CACNG7: variants seen among roughly 807,000 people sequenced by gnomAD.
CACNG7 encodes voltage-dependent calcium channel gamma-7 subunit.
Under a neutral mutation model 26.3 loss-of-function variants are expected in CACNG7, and 9 were observed. That is an observed-to-expected ratio of 0.34 (90% CI 0.21 to 0.60). The LOEUF (loss-of-function observed/expected upper bound fraction) is 0.60, where lower values mean the gene tolerates loss of function less well. Among genes scored for constraint, CACNG7 ranks in the 20% least tolerant of loss-of-function variants. The pLI, the probability that CACNG7 is intolerant of heterozygous loss-of-function variation, is 0.81. For missense variants in CACNG7, 297 were observed against 380.4 expected (o/e 0.78, Z 1.82); for synonymous variants, 170 against 157.0 (o/e 1.08, Z -0.62).
intron 4 of CACNG7, among the ~76,000 whole-genome samples, chr19:53,933,418 G>A (rs2069086351): frequency 1.3e-5 from 2 of 150,868 alleles, no homozygotes; most frequent in South Asian, 4.2e-4. Context: ...TCCTGCCTCA[G>A]CCTCCTGAGT....
At chr19:53,928,464 G>A (rs907050695) in intron 4 of CACNG7, among the ~76,000 whole-genome samples, 2 of 151,880 alleles carry the variant, frequency 1.3e-5, no homozygotes, top group East Asian at 2.0e-4. Flanking sequence ...TTGTAGAGAC[G>A]GGGTTTCACC....
intron 4 of CACNG7, among the ~76,000 whole-genome samples, chr19:53,930,872 T>G (rs10411229): frequency 0.55 from 84,130 of 151,984 alleles, 25,924 homozygotes; most frequent in African/African-American, 0.83. Flanking sequence ...GTAAATTGCA[T>G]ACATGTTGAT....
intron 4 of CACNG7, among the ~76,000 whole-genome samples, chr19:53,920,086 C>T (rs1473560901): frequency 7.8e-6 from 1 of 127,830 alleles, no homozygotes; most frequent in African/African-American, 3.5e-5. Flanking sequence ...TGGAGTTGCC[C>T]CAGGCTGGTC....
chr19:53,941,349 G>C, intron 4 of CACNG7, 121 bp from the exon 5 acceptor site: 1 of 1,143,272 alleles, frequency 8.7e-7, no homozygotes, highest in Non-Finnish European at 1.2e-6. Context: ...CAGCATACAA[G>C]GGGCTTCAGG....
chr19:53,914,334 C>A (rs1317149586), intron 2 of CACNG7, among the ~76,000 whole-genome samples, 166 bp from the exon 3 acceptor site: 1 of 151,764 alleles, frequency 6.6e-6, no homozygotes, highest in African/African-American at 2.4e-5. Flanking sequence ...CAGACATCCA[C>A]CCACCCGCTT....
intron 4 of CACNG7, among the ~76,000 whole-genome samples, chr19:53,925,326 C>G (rs1322850542): frequency 1.8e-5 from 2 of 108,502 alleles, no homozygotes; most frequent in African/African-American, 7.4e-5. Flanking sequence ...TGTCCCCAGG[C>G]CTGGTCATTG....
intron 4 of CACNG7, among the ~76,000 whole-genome samples, chr19:53,928,906 C>G (rs1005605078): frequency 6.6e-6 from 1 of 151,730 alleles, no homozygotes; most frequent in African/African-American, 2.4e-5. Flanking sequence ...GTCAGGGGTT[C>G]GAGACCAGCC....
intron 4 of CACNG7, among the ~76,000 whole-genome samples, chr19:53,934,872 T>A (rs1183173906): frequency 6.6e-6 from 1 of 152,144 alleles, no homozygotes; most frequent in Non-Finnish European, 1.5e-5. Context: ...TTACATTTTT[T>A]ATTTTGGAGA....
At chr19:53,922,942 TC>T (rs1193672305) in intron 4 of CACNG7, among the ~76,000 whole-genome samples, 2 of 89,050 alleles carry the variant, frequency 2.2e-5, no homozygotes, top group East Asian at 5.5e-4. Context: ...CCAGGTCTGG[TC>T]ATTGGTGGAG....
Position 53,942,380 on chromosome 19 carries a change from G to A in CACNG7, c.*87G>A. The stretch of plus-strand genomic sequence containing the variant: ...CAATGCAGCGCCCCCTTCCGTCCTC[G>A]GGACTCCTCGCTCCCACCCGGAGGA... On this transcript the variant is annotated 3_prime_UTR_variant, in exon 6 of 6. Coordinates refer to ENST00000391767, the MANE Select transcript of CACNG7 (RefSeq NM_031896.5). The surrounding 1 kb of genome is among the most constrained non-coding windows in gnomAD (Gnocchi z 5.9). 1 of 1,528,984 alleles carries A rather than the reference G, an allele frequency of 6.5e-7. No homozygotes were observed. The highest frequency in any genetic ancestry group is 8.8e-7 in the Non-Finnish European group (1 of 1,139,192). 94.7% of individuals were successfully genotyped at this position (1,528,984 alleles called of 1,614,324 possible).
chr19:53,939,408 C>T lies in CACNG7; in HGVS notation c.425-2062C>T, dbSNP rs146074239. On this transcript the variant is annotated intron_variant, in intron 4 of 5. Coordinates refer to ENST00000391767, the MANE Select transcript of CACNG7 (RefSeq NM_031896.5). This position sits in a 1 kb window ranked among gnomAD's most constrained non-coding sequence, Gnocchi z 4.2. ...ACATTTTCATTATTCTCAAAAGAAA[C>T]CTCACACACCTTAGCAGCCAGACAC... Among the ~76,000 whole-genome samples the T allele has an allele frequency of 4.9e-4, 74 of 152,282 alleles. No homozygotes were observed. The East Asian group carries it at 8.5e-3, about 17-fold the overall frequency.
intron 4 of CACNG7, among the ~76,000 whole-genome samples, chr19:53,918,732 T>C (rs1325528552): frequency 6.6e-6 from 1 of 152,184 alleles, no homozygotes; most frequent in East Asian, 1.9e-4. Flanking sequence ...GCAGTACGAG[T>C]AGTAACAAAC....
chr19:53,912,815 G>A lies in CACNG7; in HGVS notation c.-17G>A, dbSNP rs562411942. The A allele has an allele frequency of 2.2e-5, 36 of 1,609,258 alleles. No individual in the cohort carries two copies. The highest frequency in any genetic ancestry group is 2.8e-5 in the Non-Finnish European group (33 of 1,179,764). ...TTCCCTTCCACAGGCCCCGCAGGGC[G>A]CCCCCTGCCTCTGAGGATGAGTCAC... On this transcript the variant is annotated 5_prime_UTR_variant, in exon 2 of 6. Coordinates refer to ENST00000391767, the MANE Select transcript of CACNG7 (RefSeq NM_031896.5). This position sits in a 1 kb window ranked among gnomAD's most constrained non-coding sequence, Gnocchi z 4.6.
intron 4 of CACNG7, 26 bp downstream of exon 4, chr19:53,915,531 G>C (rs1375404607): frequency 1.2e-6 from 2 of 1,612,282 alleles, no homozygotes; most frequent in East Asian, 4.5e-5. Context: ...TGGGGGTTGG[G>C]GGGGACCATT....
Position 53,921,577 on chromosome 19 carries a change from T to G in CACNG7, c.424+6072T>G, listed in dbSNP as rs556528709. Among the ~76,000 whole-genome samples, 545 of 117,300 alleles carry G rather than the reference T, an allele frequency of 4.6e-3. 2 individuals are homozygous for G. Among genetic ancestry groups the G allele is most frequent in the East Asian group, 0.016 (58 of 3,614 alleles). The allele number at this position is 117,300 out of a possible 152,430, so 77.0% of individuals were successfully genotyped here. A position where few individuals can be genotyped will look rare whatever the true frequency, so the allele number is the denominator to read the frequency against. On this transcript the variant is annotated intron_variant, in intron 4 of 5. Transcript: ENST00000391767. The stretch of plus-strand genomic sequence containing the variant: ...GCCCCAGGCTGGTCATTGGTGGAGT[T>G]GCCCCAGGTCTGGTCATTGGTGGAG...
At chr19:53,926,778 TG>T (rs1373469977) in intron 4 of CACNG7, among the ~76,000 whole-genome samples, 1 of 151,966 alleles carries the variant, frequency 6.6e-6, no homozygotes, top group Non-Finnish European at 1.5e-5. Context: ...CTGGGCATGG[TG>T]GTGGGCCCCT....
chr19:53,920,732 GCTGGTCATTGGTGGAGTTGCCCCAGGT>G (rs1599974650), intron 4 of CACNG7, among the ~76,000 whole-genome samples: 8 of 109,248 alleles, frequency 7.3e-5, no homozygotes, highest in Admixed American at 8.2e-5. Flanking sequence ...GCTGTCCCAG[GCTGGTCATTGGTGGAGTTGCCCCAGGT>G]CTGGTCATTG....
intron 3 of CACNG7, among the ~76,000 whole-genome samples, chr19:53,915,162 TG>T (rs1456757734): frequency 6.6e-6 from 1 of 151,534 alleles, no homozygotes; most frequent in African/African-American, 2.4e-5. Flanking sequence ...AGGTGTGGCC[TG>T]TGTGAGGGGG....
intron 4 of CACNG7, among the ~76,000 whole-genome samples, chr19:53,916,910 G>A (rs1368265334): frequency 6.6e-6 from 1 of 151,242 alleles, no homozygotes; most frequent in Non-Finnish European, 1.5e-5. Flanking sequence ...CGATTCTCCT[G>A]TCTCACCTTC....
Sources: allele counts gnomAD v4.1 joint callset (sites outside exome capture counted in the v4.1 genomes callset), GRCh38; gene constraint gnomAD v4.1.1; non-coding constraint Gnocchi (gnomAD v3.1); transcripts MANE v1.5; gene names NCBI Gene and HGNC (gene_info 2026-07-23, HGNC 2026-07-21).